MFSD6: variants seen among roughly 807,000 people sequenced by gnomAD.
MFSD6 encodes the protein major facilitator superfamily domain-containing protein 6.
In MFSD6, 26 loss-of-function variants were observed where a neutral mutation model predicts 56.3. That is an observed-to-expected ratio of 0.46 (90% CI 0.34 to 0.64). MFSD6 has a LOEUF of 0.64. MFSD6 is among the 30% of genes least tolerant of loss of function. MFSD6 has a pLI of 0.01. For missense variants in MFSD6, 750 were observed against 986.2 expected (o/e 0.76, Z 3.21); for synonymous variants, 331 against 366.9 (o/e 0.90, Z 1.12).
chr2:190,445,059 T>G (rs1686522043), intron 3 of MFSD6: 2 of 157,736 alleles, frequency 1.3e-5, no homozygotes, highest in African/African-American at 4.8e-5. Context: ...TGGTGTTAAG[T>G]GAGGCCCTTT....
intron 3 of MFSD6, among the ~76,000 whole-genome samples, chr2:190,440,361 C>T (rs1686328303): frequency 6.6e-6 from 1 of 152,140 alleles, no homozygotes; most frequent in African/African-American, 2.4e-5. Context: ...GGATTTTGTC[C>T]TTCTCTGGAA....
Position 190,437,146 on chromosome 2 carries a change from A to T in MFSD6, c.1117A>T (p.Ile373Phe). The change falls in exon 3 of 8, where the codon ATC becomes TTC. Residue 373 changes from isoleucine to phenylalanine, a missense_variant. By Grantham distance (21) the Ile-to-Phe change is conservative (BLOSUM62 0). Around this residue, in one of 5 missense-constraint regions of MFSD6, gnomAD observed 376 missense variants for 437.9 expected, o/e 0.86. Coordinates refer to ENST00000392328, the MANE Select transcript of MFSD6 (RefSeq NM_017694.4). This position sits in a 1 kb window ranked among gnomAD's most constrained non-coding sequence, Gnocchi z 5.9. ...PEYRNYQIVFIVFGVLMTMAL... is the reference protein window; with the variant it reads ...PEYRNYQIVFFVFGVLMTMAL... ...GTACAGGAATTACCAGATCGTCTTCATCGTCTTCGGCGTTCTCATGACCAT... is the reference window on the plus strand; with the variant it reads ...GTACAGGAATTACCAGATCGTCTTCTTCGTCTTCGGCGTTCTCATGACCAT... 6.2e-7 allele frequency: 1 copy of T among 1,614,256 alleles called. No homozygotes were observed. The highest frequency in any genetic ancestry group is 8.5e-7 in the Non-Finnish European group (1 of 1,180,046).
rs1428339202 is a variant in MFSD6, at chr2:190,462,648, G to A, written c.1533-7110G>A. Among the ~76,000 whole-genome samples the A allele has an allele frequency of 6.6e-6, 1 of 152,140 alleles. No homozygotes were observed. Among genetic ancestry groups the A allele is most frequent in the Non-Finnish European group, 1.5e-5 (1 of 68,008 alleles). ...AAACAAAGAGTGTAGCAGAGGAACA[G>A]CGGGGGACAGGAGGACTAATTATAC... is the stretch of plus-strand genomic sequence containing the variant. On this transcript the variant is annotated intron_variant, in intron 3 of 7. Transcript: ENST00000392328. The surrounding 1 kb of genome is among the most constrained non-coding windows in gnomAD (Gnocchi z 5.7).
At chr2:190,441,760 G>A (rs1038581914) in intron 3 of MFSD6, among the ~76,000 whole-genome samples, 6 of 151,970 alleles carry the variant, frequency 3.9e-5, no homozygotes, top group Non-Finnish European at 7.4e-5. Flanking sequence ...GAGCTGCTGC[G>A]TCTCACCTAT....
Position 190,418,848 on chromosome 2 carries a change from C to T in MFSD6, c.-54+3435C>T, listed in dbSNP as rs1690898205. Among the ~76,000 whole-genome samples, 1 of 152,082 alleles carries T rather than the reference C, an allele frequency of 6.6e-6. No individual in the cohort carries two copies. The highest frequency in any genetic ancestry group is 1.5e-5 in the Non-Finnish European group (1 of 68,028). On this transcript the variant is annotated intron_variant, in intron 2 of 7. Transcript: ENST00000392328. The surrounding 1 kb of genome is among the most constrained non-coding windows in gnomAD (Gnocchi z 4.1). ...CCCAGTGGAATGCTGCTAGTAGCAG[C>T]TCTGGGGAGCTAGTAGCAGCTCTGG... is the stretch of plus-strand genomic sequence containing the variant.
At chr2:190,468,619 ATT>A (rs71027223) in intron 3 of MFSD6, among the ~76,000 whole-genome samples, 4,066 of 127,974 alleles carry the variant, frequency 0.032, 198 homozygotes, top group African/African-American at 0.1. Flanking sequence ...AGCCTGGCTA[ATT>A]TTTTTTTTTT....
chr2:190,465,639 A>G lies in MFSD6; in HGVS notation c.1533-4119A>G, dbSNP rs967328303. 6.6e-6 allele frequency among the ~76,000 whole-genome samples: 1 copy of G among 152,200 alleles called. No individual in the cohort carries two copies. Among genetic ancestry groups the G allele is most frequent in the Non-Finnish European group, 1.5e-5 (1 of 68,042 alleles). On this transcript the variant is annotated intron_variant, in intron 3 of 7. Coordinates refer to ENST00000392328, the MANE Select transcript of MFSD6 (RefSeq NM_017694.4). The surrounding 1 kb of genome is among the most constrained non-coding windows in gnomAD (Gnocchi z 4.6). ...ATTAGCAAATCCCTAACTGTATTAG[A>G]GTGAATGTGTTCATTTGCTTGGGTT...
intron 4 of MFSD6, among the ~76,000 whole-genome samples, chr2:190,483,798 G>T (rs1457405750): frequency 7.4e-6 from 1 of 134,512 alleles, no homozygotes; most frequent in Non-Finnish European, 1.5e-5. Flanking sequence ...TCACGCCATT[G>T]CACTCCAGCC....
chr2:190,444,139 A>G (rs1469455179), intron 3 of MFSD6, among the ~76,000 whole-genome samples: 1 of 152,244 alleles, frequency 6.6e-6, no homozygotes, highest in Admixed American at 6.5e-5. Flanking sequence ...TCAATTTTGT[A>G]GGATATGTGT....
chr2:190,432,743 G>A (rs894837443), intron 2 of MFSD6, among the ~76,000 whole-genome samples: 1 of 152,080 alleles, frequency 6.6e-6, no homozygotes, highest in African/African-American at 2.4e-5. Context: ...ACTTTCCAGA[G>A]GAAAATAACC....
At chr2:190,441,442 G>C (rs1378502357) in intron 3 of MFSD6, among the ~76,000 whole-genome samples, 2 of 151,468 alleles carry the variant, frequency 1.3e-5, no homozygotes, top group Non-Finnish European at 2.9e-5. Flanking sequence ...AGGCTAATGG[G>C]AGGCATAGGT....
At chr2:190,455,006 T>TATGTATATGTATA (rs1559120804) in intron 3 of MFSD6, among the ~76,000 whole-genome samples, 14 of 119,144 alleles carry the variant, frequency 1.2e-4, no homozygotes, top group African/African-American at 3.7e-4. Flanking sequence ...GTATAATGTA[T>TATGTATATGTATA]ATGTATATGT....
At chr2:190,466,729 T>G (rs1687625515) in intron 3 of MFSD6, among the ~76,000 whole-genome samples, 1 of 152,212 alleles carries the variant, frequency 6.6e-6, no homozygotes, top group South Asian at 2.1e-4. Context: ...ACCTGGATAC[T>G]TCTTATTTTG....
chr2:190,458,955 G>A lies in MFSD6; in HGVS notation c.1533-10803G>A, dbSNP rs1687182081. 6.6e-6 allele frequency among the ~76,000 whole-genome samples: 1 copy of A among 152,202 alleles called. No individual in the cohort carries two copies. The highest frequency in any genetic ancestry group is 1.5e-5 in the Non-Finnish European group (1 of 68,034). On this transcript the variant is annotated intron_variant, in intron 3 of 7. Transcript: ENST00000392328. This position sits in a 1 kb window ranked among gnomAD's most constrained non-coding sequence, Gnocchi z 5.3. ...GAACAGAGAATCATGCTTAGTTTCT[G>A]CTTAGCAGAAGGTAAAACAAGAACA...
chr2:190,466,600 A>C (rs1687618162), intron 3 of MFSD6, among the ~76,000 whole-genome samples: 1 of 152,168 alleles, frequency 6.6e-6, no homozygotes, highest in African/African-American at 2.4e-5. Flanking sequence ...TCATTTATTG[A>C]GTGCTTATTT....
At chr2:190,473,583 A>T (rs868100133) in intron 4 of MFSD6, among the ~76,000 whole-genome samples, 2 of 152,176 alleles carry the variant, frequency 1.3e-5, no homozygotes, top group Non-Finnish European at 2.9e-5. Context: ...AAGTCCTTAG[A>T]GACCTACAAA....
Position 190,416,469 on chromosome 2 carries a change from C to A in MFSD6, c.-54+1056C>A, listed in dbSNP as rs1690779863. 6.6e-6 allele frequency among the ~76,000 whole-genome samples: 1 copy of A among 152,170 alleles called. No homozygotes were observed. The highest frequency in any genetic ancestry group is 6.5e-5 in the Admixed American group (1 of 15,272). Reference sequence around the variant, plus strand: ...TTCTTTCCTGGAGATAATGAATTATCATTCCAGTCCATATTACAATAGTGT... The same window carrying A: ...TTCTTTCCTGGAGATAATGAATTATAATTCCAGTCCATATTACAATAGTGT... On this transcript the variant is annotated intron_variant, in intron 2 of 7. Transcript: ENST00000392328. The surrounding 1 kb of genome is among the most constrained non-coding windows in gnomAD (Gnocchi z 4.1).
At position 190,459,484 on chromosome 2, in the gene MFSD6, G is replaced by A. The variant is rs2125111786; in HGVS notation, c.1533-10274G>A. Among the ~76,000 whole-genome samples, 1 of 152,310 alleles carries A rather than the reference G, an allele frequency of 6.6e-6. No homozygotes were observed. The highest frequency in any genetic ancestry group is 1.5e-5 in the Non-Finnish European group (1 of 68,018). ...TTAAACAAAATTGTAGGGGGTGTGT[G>A]TGTGAATATGTTCAGTCATTTGACT... is the stretch of plus-strand genomic sequence containing the variant. On this transcript the variant is annotated intron_variant, in intron 3 of 7. Transcript: ENST00000392328. The surrounding 1 kb of genome is among the most constrained non-coding windows in gnomAD (Gnocchi z 5.3).
rs898361323 is a variant in MFSD6 at position 190,471,804 on chromosome 2, C to T, written c.1630+1949C>T. 1.2e-4 allele frequency among the ~76,000 whole-genome samples: 18 copies of T among 152,304 alleles called. No homozygotes were observed. The highest frequency in any genetic ancestry group is 2.2e-4 in the Non-Finnish European group (15 of 68,024). On this transcript the variant is annotated intron_variant, in intron 4 of 7. Coordinates refer to ENST00000392328, the MANE Select transcript of MFSD6 (RefSeq NM_017694.4). The surrounding 1 kb of genome is among the most constrained non-coding windows in gnomAD (Gnocchi z 4.7). ...GACAGACTGCCTCCTCAAGTGGGTC[C>T]CTGACCCGCAAGTAGCCTAACTGGG...
Sources: gnomAD v4.1 joint callset for allele counts (sites outside exome capture counted in the v4.1 genomes callset) on GRCh38, gnomAD v4.1.1 for gene constraint, gnomAD v4.1.1 regional missense constraint, Gnocchi (gnomAD v3.1) non-coding constraint, MANE v1.5 for transcripts, NCBI Gene and HGNC (gene_info 2026-07-23, HGNC 2026-07-21) for gene names.